Variants in SLC24A4 observed in about 807,000 individuals in gnomAD.
SLC24A4 encodes solute carrier family 24 member 4.
SLC24A4 carries 53 observed loss-of-function variants against 79.0 expected under a neutral mutation model. The observed-to-expected ratio is 0.67, with a 90% CI of 0.54 to 0.84. The LOEUF (loss-of-function observed/expected upper bound fraction) is 0.84, where lower values mean the gene tolerates loss of function less well. Ranked by LOEUF, SLC24A4 falls within the 40% of genes least tolerant of loss-of-function variation. The pLI is 0.00. For synonymous variants in SLC24A4, 323 were observed against 323.8 expected (o/e 1.00, Z 0.03); for missense variants, 731 against 822.0 (o/e 0.89, Z 1.35).
chr14:92,338,617 G>C (rs781769918), intron 2 of SLC24A4, among the ~76,000 whole-genome samples: 3 of 152,166 alleles, frequency 2.0e-5, no homozygotes, highest in Non-Finnish European at 4.4e-5. Context: ...TCTGACTTTG[G>C]ATTCCATTGT....
chr14:92,393,568 C>T (rs1272941721), intron 2 of SLC24A4, among the ~76,000 whole-genome samples: 3 of 62,986 alleles, frequency 4.8e-5, no homozygotes, highest in East Asian at 5.4e-4. Context: ...TTTTTTTTTA[C>T]GGAGTCTCGC....
At chr14:92,449,312 ACACACACAC>A in intron 10 of SLC24A4, 96 bp downstream of exon 10, 1 of 1,160,958 alleles carries the variant, frequency 8.6e-7, no homozygotes, top group Admixed American at 2.4e-5. Context: ...ACACACACAC[ACACACACAC>A]ACCCTCTCAC....
At chr14:92,352,664 C>T (rs1886959559) in intron 2 of SLC24A4, among the ~76,000 whole-genome samples, 1 of 152,142 alleles carries the variant, frequency 6.6e-6, no homozygotes, top group Non-Finnish European at 1.5e-5. Flanking sequence ...AGAGGTGGCC[C>T]CCAGACTCAT....
intron 2 of SLC24A4, among the ~76,000 whole-genome samples, chr14:92,408,967 G>A (rs1435756189): frequency 6.6e-6 from 1 of 152,190 alleles, no homozygotes; most frequent in East Asian, 1.9e-4. Context: ...AAGAGAAAAG[G>A]TGTGGGAAAG....
intron 2 of SLC24A4, among the ~76,000 whole-genome samples, chr14:92,376,211 C>A (rs1888492240): frequency 6.6e-6 from 1 of 152,174 alleles, no homozygotes; most frequent in Admixed American, 6.5e-5. Flanking sequence ...TGATGCTGGG[C>A]AAGTTACTTG....
intron 2 of SLC24A4, among the ~76,000 whole-genome samples, chr14:92,410,925 T>C (rs1475114310): frequency 6.6e-6 from 1 of 152,160 alleles, no homozygotes; most frequent in Non-Finnish European, 1.5e-5. Context: ...TAGAAATTCA[T>C]CCAAAGACAA....
At chr14:92,471,745 C>T (rs375836008) in intron 12 of SLC24A4, among the ~76,000 whole-genome samples, 1 of 152,006 alleles carries the variant, frequency 6.6e-6, no homozygotes, top group African/African-American at 2.4e-5. Context: ...GGAGTCAGCC[C>T]CTGTCTAAAC....
chr14:92,490,607 C>A lies in SLC24A4; in HGVS notation c.1538-1058C>A, dbSNP rs1895627118. Among the ~76,000 whole-genome samples, 3 of 152,210 alleles carry A rather than the reference C, an allele frequency of 2.0e-5. No homozygotes were observed. The East Asian group carries it at 5.8e-4, about 29-fold the overall frequency. Reference sequence around the variant, plus strand: ...GTAAAAAGGATGCTGTACCAGGGGACCTTGGGCCGCCTGCAAACTGTGCCC... The same window carrying A: ...GTAAAAAGGATGCTGTACCAGGGGAACTTGGGCCGCCTGCAAACTGTGCCC... On this transcript the variant is annotated intron_variant, in intron 14 of 16. Coordinates refer to ENST00000532405, the MANE Select transcript of SLC24A4 (RefSeq NM_153646.4). The surrounding 1 kb of genome is among the most constrained non-coding windows in gnomAD (Gnocchi z 4.3).
chr14:92,474,868 T>TC (rs1460715477), intron 12 of SLC24A4, among the ~76,000 whole-genome samples: 2 of 122,568 alleles, frequency 1.6e-5, no homozygotes, highest in East Asian at 4.4e-4. Flanking sequence ...TATATATTTT[T>TC]TTTTTTTTTA....
At chr14:92,464,320 A>G (rs886499973) in intron 12 of SLC24A4, among the ~76,000 whole-genome samples, 1 of 152,114 alleles carries the variant, frequency 6.6e-6, no homozygotes, top group African/African-American at 2.4e-5. Flanking sequence ...AGACAGAACC[A>G]GGCATCCAGG....
At chr14:92,474,847 A>G (rs377259820) in intron 12 of SLC24A4, among the ~76,000 whole-genome samples, 153 of 6,224 alleles carry the variant, frequency 0.025, 8 homozygotes, top group South Asian at 0.17. Flanking sequence ...GTGTGTGTAT[A>G]TATATATATA....
In SLC24A4 at chr14:92,447,379, G is replaced by A. The variant is rs774182604; in HGVS notation, c.692G>A (p.Gly231Asp). The part of the protein sequence containing the change: ...IYDEQIVWWE[G>D]LVLIILYVFY... Reference sequence around the variant, plus strand: ...TCCTTTCTCTCTTTGAGGTGGGAAGGCCTGGTGCTCATCATCTTGTATGTG... The same window carrying A: ...TCCTTTCTCTCTTTGAGGTGGGAAGACCTGGTGCTCATCATCTTGTATGTG... The change falls in exon 9 of 17, where the codon GGC becomes GAC. Residue 231 changes from glycine to aspartate, a missense_variant. Gly to Asp is a moderately conservative substitution (Grantham distance 94, BLOSUM62 -1). Coordinates refer to ENST00000532405, the MANE Select transcript of SLC24A4 (RefSeq NM_153646.4). 3.1e-6 allele frequency: 5 copies of A among 1,614,090 alleles called. No individual in the cohort carries two copies. In the Admixed American group the frequency reaches 6.7e-5, roughly 22 times the overall value.
At chr14:92,443,364 C>T (rs753437476) in intron 6 of SLC24A4, 36 bp from the exon 7 acceptor site, 136 of 1,609,836 alleles carry the variant, frequency 8.4e-5, no homozygotes, top group Non-Finnish European at 1.1e-4. Flanking sequence ...CCCGCTTCTG[C>T]GCTCATAGCA....
chr14:92,325,965 C>T lies in SLC24A4; in HGVS notation c.228C>T (p.Asn76=), dbSNP rs1885103370. 7.5e-6 allele frequency: 12 copies of T among 1,608,440 alleles called. No homozygotes were observed. The highest frequency in any genetic ancestry group is 1.0e-5 in the Non-Finnish European group (12 of 1,175,640). The change falls in exon 2 of 17, where the codon AAC becomes AAT. Residue 76 remains asparagine (N), a synonymous_variant. Coordinates refer to ENST00000532405, the MANE Select transcript of SLC24A4 (RefSeq NM_153646.4). The part of the protein sequence containing the change: ...APVNGTQTAK[N]CTDPAIHEFP... The stretch of plus-strand genomic sequence containing the variant: ...TGAATGGGACACAGACAGCCAAGAA[C>T]TGCACAGATCCTGGTAAGAAATCAA...
At chr14:92,451,876 G>A (rs1291765061) in intron 10 of SLC24A4, 2 of 152,510 alleles carry the variant, frequency 1.3e-5, no homozygotes, top group African/African-American at 4.8e-5. Context: ...TTGGTTTGGA[G>A]TGGGGAGAGT....
At chr14:92,336,725 C>T (rs1328133405) in intron 2 of SLC24A4, among the ~76,000 whole-genome samples, 4 of 152,196 alleles carry the variant, frequency 2.6e-5, no homozygotes, top group Non-Finnish European at 5.9e-5. Flanking sequence ...GCAAATACCA[C>T]GGTGGGGGAT....
chr14:92,392,404 C>T lies in SLC24A4; in HGVS notation c.242-41508C>T, dbSNP rs528753896. Among the ~76,000 whole-genome samples the T allele has an allele frequency of 2.0e-5, 3 of 152,090 alleles. No individual in the cohort carries two copies. The South Asian group carries it at 6.2e-4, about 32-fold the overall frequency. On this transcript the variant is annotated intron_variant, in intron 2 of 16. Coordinates refer to ENST00000532405, the MANE Select transcript of SLC24A4 (RefSeq NM_153646.4). ...CCTCGGGGTTTTTATCTGGTGTCCTCTCTACCTGTCACTTGCCTCGTGGAG... is the reference window on the plus strand; with the variant it reads ...CCTCGGGGTTTTTATCTGGTGTCCTTTCTACCTGTCACTTGCCTCGTGGAG...
intron 12 of SLC24A4, among the ~76,000 whole-genome samples, 153 bp downstream of exon 12, chr14:92,456,761 G>C (rs1350013621): frequency 6.6e-6 from 1 of 152,190 alleles, no homozygotes; most frequent in African/African-American, 2.4e-5. Flanking sequence ...CTTAGGAGGC[G>C]AATCTGTCCT....
chr14:92,333,026 G>A (rs7158505), intron 2 of SLC24A4, among the ~76,000 whole-genome samples: 130,368 of 152,182 alleles, frequency 0.86, 56,375 homozygotes, highest in East Asian at 0.96. Flanking sequence ...ATTATTTTAC[G>A]TTTGCCTGCA....
Sources: allele counts gnomAD v4.1 joint callset (sites outside exome capture counted in the v4.1 genomes callset), GRCh38; gene constraint gnomAD v4.1.1; non-coding constraint Gnocchi (gnomAD v3.1); transcripts MANE v1.5; gene names NCBI Gene and HGNC (gene_info 2026-07-23, HGNC 2026-07-21).